GALNTL6: variants seen among roughly 807,000 people sequenced by gnomAD.
GALNTL6 encodes the protein polypeptide N-acetylgalactosaminyltransferase like 6, also known as polypeptide N-acetylgalactosaminyltransferase-like 6.
A neutral mutation model predicts 73.7 loss-of-function variants in GALNTL6; 46 were observed. The ratio of observed to expected loss-of-function variants is 0.62; its 90% CI spans 0.49 to 0.80. GALNTL6 has a LOEUF of 0.80. GALNTL6 is among the 30% of genes least tolerant of loss of function. GALNTL6 has a pLI of 0.00. For synonymous variants in GALNTL6, 259 were observed against 263.7 expected (o/e 0.98, Z 0.17); for missense variants, 604 against 755.0 (o/e 0.80, Z 2.34).
chr4:172,854,549 C>G (rs188487322), intron 7 of GALNTL6, among the ~76,000 whole-genome samples: 14 of 152,262 alleles, frequency 9.2e-5, no homozygotes, highest in Admixed American at 5.9e-4. Flanking sequence ...GAGACAGTTT[C>G]AACACCCTAT....
At chr4:172,861,204 G>A (rs1488158001) in intron 7 of GALNTL6, among the ~76,000 whole-genome samples, 3 of 152,126 alleles carry the variant, frequency 2.0e-5, no homozygotes, top group African/African-American at 7.2e-5. Context: ...TGAGATTTGA[G>A]GATAAGCTGG....
At chr4:172,594,876 T>A (rs1737792986) in intron 5 of GALNTL6, among the ~76,000 whole-genome samples, 1 of 152,212 alleles carries the variant, frequency 6.6e-6, no homozygotes, top group Admixed American at 6.5e-5. Flanking sequence ...CTGTTCTAGC[T>A]GCTATAACAA....
chr4:172,291,294 C>T (rs939053235), intron 3 of GALNTL6, among the ~76,000 whole-genome samples: 1 of 151,934 alleles, frequency 6.6e-6, no homozygotes, highest in African/African-American at 2.4e-5. Flanking sequence ...GATTAAGAAA[C>T]TGACATTTTG....
intron 12 of GALNTL6, among the ~76,000 whole-genome samples, chr4:173,028,337 C>A (rs933791534): frequency 3.3e-5 from 5 of 152,126 alleles, no homozygotes; most frequent in African/African-American, 1.2e-4. Flanking sequence ...GAAGGTGAAG[C>A]CTGGGTATTG....
At chr4:172,736,482 G>T (rs1407216145) in intron 5 of GALNTL6, among the ~76,000 whole-genome samples, 1 of 152,188 alleles carries the variant, frequency 6.6e-6, no homozygotes. Context: ...TTTTCAAGGT[G>T]CCCAGATTTC....
chr4:171,945,830 T>A (rs535434870), intron 2 of GALNTL6, among the ~76,000 whole-genome samples: 2 of 152,174 alleles, frequency 1.3e-5, no homozygotes, highest in Non-Finnish European at 2.9e-5. Context: ...TTTAAAGACA[T>A]TATTCTGTTT....
intron 5 of GALNTL6, among the ~76,000 whole-genome samples, chr4:172,744,292 A>T (rs1736970845): frequency 6.6e-6 from 1 of 152,116 alleles, no homozygotes; most frequent in African/African-American, 2.4e-5. Context: ...CAGTGACTGG[A>T]TATCAGTAAT....
At chr4:171,989,499 C>T (rs960279656) in intron 2 of GALNTL6, among the ~76,000 whole-genome samples, 4 of 152,198 alleles carry the variant, frequency 2.6e-5, no homozygotes, top group African/African-American at 9.6e-5. Flanking sequence ...TTGTAGCAAA[C>T]TCCTGGGAGA....
chr4:172,723,629 G>A (rs563341146), intron 5 of GALNTL6, among the ~76,000 whole-genome samples: 1 of 152,120 alleles, frequency 6.6e-6, no homozygotes, highest in African/African-American at 2.4e-5. Context: ...AAGAATGAAT[G>A]GCTAATGTGT....
Position 172,134,710 on chromosome 4 carries a change from T to C in GALNTL6, c.139-94946T>C, listed in dbSNP as rs1733591161. 2.0e-5 allele frequency among the ~76,000 whole-genome samples: 3 copies of C among 152,184 alleles called. No individual in the cohort carries two copies. The South Asian group carries it at 6.2e-4, about 31-fold the overall frequency. On this transcript the variant is annotated intron_variant, in intron 2 of 12. Coordinates refer to ENST00000506823, the MANE Select transcript of GALNTL6 (RefSeq NM_001034845.3). ...ATCAACTGTATTAGTCAAGAGAGAC[T>C]AACGGTTGTAACAAATAGCTACCAT...
At chr4:171,937,908 C>A (rs1436520310) in intron 2 of GALNTL6, among the ~76,000 whole-genome samples, 1 of 152,118 alleles carries the variant, frequency 6.6e-6, no homozygotes, top group Non-Finnish European at 1.5e-5. Context: ...AAACAACAAT[C>A]TGTCCGTGAA....
intron 5 of GALNTL6, among the ~76,000 whole-genome samples, chr4:172,472,370 G>C (rs186443333): frequency 5.9e-5 from 9 of 152,286 alleles, no homozygotes; most frequent in Admixed American, 5.9e-4. Context: ...CCTTTAGTTA[G>C]TACATTGTAC....
intron 2 of GALNTL6, among the ~76,000 whole-genome samples, chr4:171,967,455 T>TTGTTTTGTTTTG (rs1553976690): frequency 2.0e-5 from 3 of 146,722 alleles, no homozygotes; most frequent in Non-Finnish European, 1.5e-5. Flanking sequence ...GGGTTTTTTT[T>TTGTTTTGTTTTG]TTTTTTTTTT....
At chr4:172,848,889 A>G (rs1387401153) in intron 7 of GALNTL6, among the ~76,000 whole-genome samples, 2 of 152,192 alleles carry the variant, frequency 1.3e-5, no homozygotes, top group Admixed American at 6.6e-5. Context: ...AGCAGTTACC[A>G]TCTGAAAGGA....
At chr4:172,560,396 G>A (rs1003549628) in intron 5 of GALNTL6, among the ~76,000 whole-genome samples, 1 of 152,118 alleles carries the variant, frequency 6.6e-6, no homozygotes, top group African/African-American at 2.4e-5. Context: ...TACTTGGGAA[G>A]GTAAGGCAGG....
chr4:173,028,832 A>G (rs1488137223), intron 12 of GALNTL6, among the ~76,000 whole-genome samples: 2 of 152,250 alleles, frequency 1.3e-5, no homozygotes, highest in African/African-American at 4.8e-5. Flanking sequence ...TTATAATTTA[A>G]CTTTCATAAT....
chr4:172,188,055 T>G (rs1230408872), intron 2 of GALNTL6, among the ~76,000 whole-genome samples: 1 of 152,230 alleles, frequency 6.6e-6, no homozygotes, highest in Non-Finnish European at 1.5e-5. Context: ...AAGCTGTTTT[T>G]TCTACATAAT....
At chr4:172,783,465 ATAT>A (rs531674925) in intron 5 of GALNTL6, among the ~76,000 whole-genome samples, 24 of 147,654 alleles carry the variant, frequency 1.6e-4, no homozygotes, top group East Asian at 3.9e-4. Context: ...TAACAATATA[ATAT>A]TATACACTAT....
intron 5 of GALNTL6, among the ~76,000 whole-genome samples, chr4:172,781,886 CATATT>C (rs1237453448): frequency 2.0e-5 from 3 of 150,990 alleles, no homozygotes; most frequent in African/African-American, 7.3e-5. Flanking sequence ...TTTTTAAATA[CATATT>C]ATATTTTCAA....
Sources: gnomAD v4.1 joint callset for allele counts (sites outside exome capture counted in the v4.1 genomes callset) on GRCh38, gnomAD v4.1.1 for gene constraint, MANE v1.5 for transcripts, NCBI Gene and HGNC (gene_info 2026-07-23, HGNC 2026-07-21) for gene names.